The following CDHR1 variants were observed in gnomAD, a reference collection of about 807,000 sequenced individuals.
CDHR1 encodes cadherin-related family member 1.
A neutral mutation model predicts 72.1 loss-of-function variants in CDHR1; 61 were observed. The ratio of observed to expected loss-of-function variants is 0.85; its 90% CI spans 0.69 to 1.05. CDHR1 has a LOEUF of 1.05. Ranked by LOEUF, CDHR1 falls within the 50% of genes least tolerant of loss-of-function variation. The pLI is 0.00. For synonymous variants in CDHR1, 470 were observed against 448.1 expected (o/e 1.05, Z -0.62); for missense variants, 1,186 against 1,115.7 (o/e 1.06, Z -0.90).
chr10:84,216,940 G>A lies in CDHR1; in HGVS notation c.*2319G>A, dbSNP rs1842434991. On this transcript the variant is annotated 3_prime_UTR_variant, in exon 17 of 17. Coordinates refer to ENST00000623527, the MANE Select transcript of CDHR1 (RefSeq NM_033100.4). ...CAGGCGTCCTAAAGACCTCTAGGCT[G>A]GAAGCTTGGGCTTGCAAGTGGATCC... 3.0e-6 allele frequency: 3 copies of A among 985,480 alleles called. No homozygotes were observed. Among genetic ancestry groups the A allele is most frequent in the Non-Finnish European group, 3.6e-6 (3 of 829,952 alleles). 61.0% of individuals were successfully genotyped at this position (985,480 alleles called of 1,614,324 possible). A position where few individuals can be genotyped will look rare whatever the true frequency, so the allele number is the denominator to read the frequency against.
In CDHR1 at chr10:84,218,481, G is replaced by A; in HGVS notation, c.*3860G>A. ...TCTTCTGTGCCAGGCTCTCTTCTAG[G>A]TGTTAGGTGTATGTCTCTAACAAGA... is the stretch of plus-strand genomic sequence containing the variant. On this transcript the variant is annotated 3_prime_UTR_variant, in exon 17 of 17. Coordinates refer to ENST00000623527, the MANE Select transcript of CDHR1 (RefSeq NM_033100.4). 1.0e-6 allele frequency: 1 copy of A among 985,368 alleles called. No individual in the cohort carries two copies. Among genetic ancestry groups the A allele is most frequent in the Non-Finnish European group, 1.2e-6 (1 of 829,926 alleles). The allele number at this position is 985,368 out of a possible 1,614,324, so 61.0% of individuals were successfully genotyped here.
chr10:84,198,993 C>T, intron 4 of CDHR1, 39 bp from the exon 5 acceptor site: 1 of 1,473,488 alleles, frequency 6.8e-7, no homozygotes, highest in Non-Finnish European at 9.3e-7. Context: ...TTCAGAAGGT[C>T]TCATTGCACT....
intron 14 of CDHR1, 64 bp downstream of exon 14, chr10:84,211,779 G>GA (rs1842336919): frequency 7.1e-7 from 1 of 1,417,166 alleles, no homozygotes; most frequent in African/African-American, 1.4e-5. Context: ...GAGGGTGGAG[G>GA]AGGTCTGTGG....
chr10:84,215,791 C>T lies in CDHR1; in HGVS notation c.*1170C>T. The T allele has an allele frequency of 1.0e-6, 1 of 985,540 alleles. No homozygotes were observed. The highest frequency in any genetic ancestry group is 1.2e-6 in the Non-Finnish European group (1 of 830,008). The allele number at this position is 985,540 out of a possible 1,614,324, so 61.0% of individuals were successfully genotyped here. On this transcript the variant is annotated 3_prime_UTR_variant, in exon 17 of 17. Coordinates refer to ENST00000623527, the MANE Select transcript of CDHR1 (RefSeq NM_033100.4). The stretch of plus-strand genomic sequence containing the variant: ...GCGCCCCAGCAGGCACTGTGCTGGG[C>T]TTAGGGGCTACCACTGGATGATGGC...
At chr10:84,202,577 A>T (rs1475512878) in intron 7 of CDHR1, among the ~76,000 whole-genome samples, 2 of 152,124 alleles carry the variant, frequency 1.3e-5, no homozygotes, top group African/African-American at 4.8e-5. Flanking sequence ...CTGGTTGCAC[A>T]TCTCCATTAT....
Position 84,194,816 on chromosome 10 carries a change from G to T in CDHR1, c.55+1G>T. 2.6e-6 allele frequency: 4 copies of T among 1,532,974 alleles called. No individual in the cohort carries two copies. The highest frequency in any genetic ancestry group is 3.5e-6 in the Non-Finnish European group (4 of 1,145,940). 95.0% of individuals were successfully genotyped at this position (1,532,974 alleles called of 1,614,324 possible). ...CTGGGGCTGCTGCGCCTCTGCTTGG[G>T]TGAGTGGCCGCTGGGCCGCGCTGGC... On this transcript the variant is annotated splice_donor_variant, in intron 1 of 16. Transcript: ENST00000623527. LOFTEE classifies it high-confidence loss of function.
intron 2 of CDHR1, 123 bp downstream of exon 2, chr10:84,195,712 T>A: frequency 1.3e-6 from 1 of 798,724 alleles, no homozygotes; most frequent in Non-Finnish European, 2.1e-6. Context: ...TTGTTTGCTC[T>A]CCGAATTCCC....
intron 13 of CDHR1, 93 bp downstream of exon 13, chr10:84,211,258 C>A: frequency 7.4e-7 from 1 of 1,345,956 alleles, no homozygotes; most frequent in Non-Finnish European, 1.1e-6. Flanking sequence ...AGTGGCAGAA[C>A]CCACACTCAT....
rs908426093 is a variant in CDHR1 at position 84,218,066 on chromosome 10, T to C, written c.*3445T>C. The C allele has an allele frequency of 1.0e-6, 1 of 985,368 alleles. No individual in the cohort carries two copies. The highest frequency in any genetic ancestry group is 1.2e-6 in the Non-Finnish European group (1 of 829,926). The allele number at this position is 985,368 out of a possible 1,614,324, so 61.0% of individuals were successfully genotyped here. ...CCAAGGCCAGTCCACCTGCCAGGGGTGTTGGCATCTGTTGACAGGCAGTGG... is the reference window on the plus strand; with the variant it reads ...CCAAGGCCAGTCCACCTGCCAGGGGCGTTGGCATCTGTTGACAGGCAGTGG... On this transcript the variant is annotated 3_prime_UTR_variant, in exon 17 of 17. Transcript: ENST00000623527.
At chr10:84,205,636 C>T (rs1338408964) in intron 9 of CDHR1, 191 bp from the exon 10 acceptor site, 5 of 641,504 alleles carry the variant, frequency 7.8e-6, no homozygotes, top group East Asian at 2.8e-5. Flanking sequence ...AGTCCCAGAT[C>T]TGCACTAACT....
Position 84,214,317 on chromosome 10 carries a change from A to G in CDHR1, c.2276A>G (p.Lys759Arg), listed in dbSNP as rs1488744378. ...RTIRIEWLKS[K>R]STKAATKFML... ...ATCCGCATTGAGTGGCTCAAGTCCA[A>G]GAGCACCAAAGCCGCTACCAAGTTC... The change falls in exon 17 of 17, where the codon AAG becomes AGG. Residue 759 changes from lysine to arginine, a missense_variant. Lys to Arg is a conservative substitution (Grantham distance 26). Coordinates refer to ENST00000623527, the MANE Select transcript of CDHR1 (RefSeq NM_033100.4). 3 of 1,614,150 alleles carry G rather than the reference A, an allele frequency of 1.9e-6. No individual in the cohort carries two copies. Among genetic ancestry groups the G allele is most frequent in the Non-Finnish European group, 2.5e-6 (3 of 1,180,038 alleles).
At chr10:84,219,227 A>T (rs755560583), downstream of CDHR1, 191 of 1,550,772 alleles carry the variant, frequency 1.2e-4, no homozygotes, top group Non-Finnish European at 1.6e-4. Context: ...AATCTGAGTA[A>T]TGTGAATCTG....
At chr10:84,204,400 C>A (rs548881407) in intron 8 of CDHR1, 127 bp from the exon 9 acceptor site, 2 of 731,040 alleles carry the variant, frequency 2.7e-6, no homozygotes, top group Non-Finnish European at 5.0e-6. Context: ...CATGCTCCAC[C>A]GCCACGTAGA....
At chr10:84,200,748 C>G (rs929835219) in intron 6 of CDHR1, 61 bp downstream of exon 6, 1 of 1,216,024 alleles carries the variant, frequency 8.2e-7, no homozygotes, top group African/African-American at 1.5e-5. Context: ...CTAGATGGCC[C>G]CTACCTCCAT....
At chr10:84,198,241 C>T (rs1237776234) in intron 4 of CDHR1, among the ~76,000 whole-genome samples, 1 of 152,242 alleles carries the variant, frequency 6.6e-6, no homozygotes, top group Non-Finnish European at 1.5e-5. Flanking sequence ...GGCTCACTGG[C>T]CTCCAGGCTC....
At chr10:84,198,993 C>G in intron 4 of CDHR1, 39 bp from the exon 5 acceptor site, 1 of 1,473,488 alleles carries the variant, frequency 6.8e-7, no homozygotes, top group Non-Finnish European at 9.3e-7. Context: ...TTCAGAAGGT[C>G]TCATTGCACT....
Position 84,217,236 on chromosome 10 carries a change from A to C in CDHR1, c.*2615A>C, listed in dbSNP as rs1258759171. 1.0e-5 allele frequency: 10 copies of C among 985,364 alleles called. No homozygotes were observed. The highest frequency in any genetic ancestry group is 2.4e-6 in the Non-Finnish European group (2 of 829,980). 61.0% of individuals were successfully genotyped at this position (985,364 alleles called of 1,614,324 possible). ...GTCCCAGTAGGACAGGCAGAGCTCC[A>C]GGCTGGCACCATGGTAGGCCTCCAG... On this transcript the variant is annotated 3_prime_UTR_variant, in exon 17 of 17. Transcript: ENST00000623527.
rs1164443650 is a variant in CDHR1 at position 84,217,053 on chromosome 10, C to A, written c.*2432C>A. The A allele has an allele frequency of 1.0e-6, 1 of 985,648 alleles. No individual in the cohort carries two copies. Among genetic ancestry groups the A allele is most frequent in the Non-Finnish European group, 1.2e-6 (1 of 830,116 alleles). The allele number at this position is 985,648 out of a possible 1,614,324, so 61.1% of individuals were successfully genotyped here. On this transcript the variant is annotated 3_prime_UTR_variant, in exon 17 of 17. Coordinates refer to ENST00000623527, the MANE Select transcript of CDHR1 (RefSeq NM_033100.4). ...AAACTGGCCATGGATGGGGAAGTGC[C>A]CGGTAGCCAGCATGAGCCACACTAG...
At chr10:84,202,922 G>A in intron 7 of CDHR1, 58 bp from the exon 8 acceptor site, 1 of 1,609,246 alleles carries the variant, frequency 6.2e-7, no homozygotes, top group Non-Finnish European at 8.5e-7. Context: ...CACGGATTCT[G>A]TCCAATTCCA....
Sources: allele counts gnomAD v4.1 joint callset (sites outside exome capture counted in the v4.1 genomes callset), GRCh38; gene constraint gnomAD v4.1.1; transcripts MANE v1.5; gene names NCBI Gene and HGNC (gene_info 2026-07-23, HGNC 2026-07-21).